The following LMTK2 variants were observed in gnomAD, a reference collection of about 807,000 sequenced individuals.
The protein encoded by LMTK2 is lemur tail kinase 2.
In LMTK2, 37 loss-of-function variants were observed where a neutral mutation model predicts 127.5. That is an observed-to-expected ratio of 0.29 (90% confidence interval 0.22 to 0.38). LMTK2 has a LOEUF of 0.38. LMTK2 is among the 10% of genes least tolerant of loss of function. The pLI, the probability that LMTK2 is intolerant of heterozygous loss-of-function variation, is 1.00. For missense variants in LMTK2, 1,694 were observed against 1,920.3 expected, an observed-to-expected ratio of 0.88 and a Z score of 2.20; for synonymous variants, 819 against 810.1, an observed-to-expected ratio of 1.01 and a Z score of -0.19.
chr7:98,204,473 A>G (rs1304258222), intron 13 of LMTK2, among the ~76,000 whole-genome samples: 1 of 151,826 alleles, frequency 6.6e-6, no homozygotes, highest in Non-Finnish European at 1.5e-5. Flanking sequence ...AATAAAAACT[A>G]AAAAATTAGC....
chr7:98,144,618 T>A (rs1796743438), intron 3 of LMTK2, among the ~76,000 whole-genome samples: 1 of 152,096 alleles, frequency 6.6e-6, no homozygotes, highest in African/African-American at 2.4e-5. Context: ...ACATTTACTT[T>A]TAATTTTTTA....
At chr7:98,145,716 CATA>C (rs1302568616) in intron 3 of LMTK2, among the ~76,000 whole-genome samples, 1 of 152,156 alleles carries the variant, frequency 6.6e-6, no homozygotes, top group Non-Finnish European at 1.5e-5. Flanking sequence ...ATAATCATGT[CATA>C]ATAACATGAA....
chr7:98,180,362 A>G (rs1183099984), intron 7 of LMTK2, among the ~76,000 whole-genome samples: 3 of 152,216 alleles, frequency 2.0e-5, no homozygotes, highest in Non-Finnish European at 2.9e-5. Context: ...ACAACTTAAA[A>G]CTATAAATTA....
At chr7:98,128,958 A>T (rs1251893543) in intron 1 of LMTK2, among the ~76,000 whole-genome samples, 3 of 152,212 alleles carry the variant, frequency 2.0e-5, no homozygotes, top group Admixed American at 2.0e-4. Flanking sequence ...GGGAGTAAGC[A>T]TCTCACCACT....
chr7:98,149,459 AGAG>A (rs1335125434), intron 3 of LMTK2, among the ~76,000 whole-genome samples: 2 of 152,220 alleles, frequency 1.3e-5, no homozygotes, highest in Non-Finnish European at 2.9e-5. Context: ...GACGGCTGCC[AGAG>A]GAGACATCTC....
intron 3 of LMTK2, among the ~76,000 whole-genome samples, chr7:98,146,962 G>C (rs1225573405): frequency 6.6e-6 from 1 of 152,264 alleles, no homozygotes; most frequent in Middle Eastern, 3.4e-3. Flanking sequence ...CTAAACATTT[G>C]TTTATCTCAG....
At chr7:98,187,437 A>G (rs1408897811) in intron 9 of LMTK2, among the ~76,000 whole-genome samples, 1 of 151,880 alleles carries the variant, frequency 6.6e-6, no homozygotes, top group Non-Finnish European at 1.5e-5. Context: ...TTCTTAATTT[A>G]TAGCTATGTT....
intron 9 of LMTK2, 147 bp from the exon 10 acceptor site, chr7:98,190,581 A>C (rs117299368): frequency 0.013 from 10,654 of 824,018 alleles, 97 homozygotes; most frequent in Non-Finnish European, 0.015. Context: ...CTCTGTCTTA[A>C]AACAACAACA....
chr7:98,124,940 T>C (rs1394126719), intron 1 of LMTK2, among the ~76,000 whole-genome samples: 2 of 152,234 alleles, frequency 1.3e-5, no homozygotes, highest in African/African-American at 2.4e-5. Flanking sequence ...ATCAAATCAC[T>C]GTCATTTCTT....
chr7:98,149,343 T>C (rs781531212), intron 3 of LMTK2, among the ~76,000 whole-genome samples: 1 of 152,194 alleles, frequency 6.6e-6, no homozygotes, highest in African/African-American at 2.4e-5. Flanking sequence ...CAGTGGACTT[T>C]CTCCTGGCTC....
intron 7 of LMTK2, among the ~76,000 whole-genome samples, chr7:98,178,388 G>T (rs777976484): frequency 6.6e-6 from 1 of 152,164 alleles, no homozygotes; most frequent in Admixed American, 6.5e-5. Flanking sequence ...CTTGTGAATC[G>T]GGGTGGGAAC....
intron 6 of LMTK2, among the ~76,000 whole-genome samples, chr7:98,168,200 G>A (rs746633305): frequency 4.6e-5 from 7 of 152,196 alleles, no homozygotes; most frequent in Non-Finnish European, 8.8e-5. Context: ...TACCTGGGAG[G>A]TGTTTGGGGC....
intron 4 of LMTK2, 43 bp downstream of exon 4, chr7:98,151,498 C>A (rs188101237): frequency 2.1e-6 from 3 of 1,427,938 alleles, no homozygotes; most frequent in Non-Finnish European, 3.0e-6. Context: ...CTGAATGATA[C>A]TGTGTTCAGT....
rs371641140 is a variant in LMTK2, at chr7:98,148,361, C to T, written c.377-3021C>T. On this transcript the variant is annotated intron_variant, in intron 3 of 13. Transcript: ENST00000297293. ...AAAAAAAGTTAGCCGGGCATGGTGGCGCTTGCCTGTAGTCCCAGCTACTCG... is the reference window on the plus strand; with the variant it reads ...AAAAAAAGTTAGCCGGGCATGGTGGTGCTTGCCTGTAGTCCCAGCTACTCG... Among the ~76,000 whole-genome samples, 23 of 151,898 alleles carry T rather than the reference C, an allele frequency of 1.5e-4. No individual in the cohort carries two copies. The South Asian group carries it at 2.5e-3, about 16-fold the overall frequency.
intron 1 of LMTK2, among the ~76,000 whole-genome samples, chr7:98,120,130 G>A (rs1393871372): frequency 6.6e-6 from 1 of 152,224 alleles, no homozygotes; most frequent in Admixed American, 6.5e-5. Flanking sequence ...ATAGGCTCTT[G>A]TATTAGTACA....
At chr7:98,189,431 T>C (rs1320843477) in intron 9 of LMTK2, among the ~76,000 whole-genome samples, 2 of 152,154 alleles carry the variant, frequency 1.3e-5, no homozygotes, top group African/African-American at 4.8e-5. Context: ...CTTTGTTGTT[T>C]GGGGCGTGTC....
intron 1 of LMTK2, among the ~76,000 whole-genome samples, chr7:98,129,241 C>T (rs764148416): frequency 7.2e-5 from 11 of 151,794 alleles, no homozygotes; most frequent in Non-Finnish European, 1.3e-4. Context: ...CATGCCACCA[C>T]GCCCGGCTAA....
chr7:98,116,984 T>C (rs943880783), intron 1 of LMTK2, among the ~76,000 whole-genome samples: 1 of 152,158 alleles, frequency 6.6e-6, no homozygotes, highest in African/African-American at 2.4e-5. Context: ...GACCACAGAG[T>C]TAAAGTGCCA....
rs938880591 is a variant in LMTK2, at chr7:98,206,501, C to T, written c.*1009C>T. Reference sequence around the variant, plus strand: ...CGTGGCAGGTCCAGAGAGCTGCACCCTGCACGGGGCACCGCACCGCTTCCC... The same window carrying T: ...CGTGGCAGGTCCAGAGAGCTGCACCTTGCACGGGGCACCGCACCGCTTCCC... On this transcript the variant is annotated 3_prime_UTR_variant, in exon 14 of 14. Coordinates refer to ENST00000297293, the MANE Select transcript of LMTK2 (RefSeq NM_014916.4). The T allele has an allele frequency of 3.3e-5, 5 of 152,262 alleles. No individual in the cohort carries two copies. The highest frequency in any genetic ancestry group is 7.3e-5 in the Non-Finnish European group (5 of 68,058). 9.4% of individuals were successfully genotyped at this position (152,262 alleles called of 1,614,324 possible).
Sources: gnomAD v4.1 joint callset for allele counts (sites outside exome capture counted in the v4.1 genomes callset) on GRCh38, gnomAD v4.1.1 for gene constraint, MANE v1.5 for transcripts, NCBI Gene and HGNC (gene_info 2026-07-23, HGNC 2026-07-21) for gene names.